ATRNL1: variants seen among roughly 807,000 people sequenced by gnomAD.
ATRNL1 encodes attractin like 1.
In ATRNL1, 95 loss-of-function variants were observed where a neutral mutation model predicts 182.7. The observed-to-expected ratio is 0.52, with a 90% CI of 0.44 to 0.62. The LOEUF (loss-of-function observed/expected upper bound fraction) is 0.62. Ranked by LOEUF, ATRNL1 falls within the 20% of genes least tolerant of loss-of-function variation. ATRNL1 has a pLI of 0.00. For synonymous variants in ATRNL1, 576 were observed against 568.3 expected (o/e 1.01, Z -0.19); for missense variants, 1,471 against 1,679.5 (o/e 0.88, Z 2.17).
chr10:115,329,084 A>G (rs946841125), intron 18 of ATRNL1, among the ~76,000 whole-genome samples: 5 of 152,064 alleles, frequency 3.3e-5, no homozygotes, highest in African/African-American at 4.8e-5. Context: ...TAAAAAATGT[A>G]TAGAGTTCCC....
chr10:115,279,577 T>C (rs1554916106), intron 13 of ATRNL1, among the ~76,000 whole-genome samples: 2 of 152,198 alleles, frequency 1.3e-5, no homozygotes, highest in African/African-American at 4.8e-5. Context: ...AGATGTTTGA[T>C]GGGCAACTGT....
intron 27 of ATRNL1, among the ~76,000 whole-genome samples, chr10:115,827,190 C>T (rs1459593729): frequency 6.6e-6 from 1 of 152,156 alleles, no homozygotes; most frequent in Non-Finnish European, 1.5e-5. Flanking sequence ...GAGGGAGCCT[C>T]CAACGTCTGA....
chr10:115,784,769 C>T (rs1593213258), intron 27 of ATRNL1, among the ~76,000 whole-genome samples: 2 of 152,240 alleles, frequency 1.3e-5, no homozygotes, highest in African/African-American at 4.8e-5. Context: ...TTTCACATGG[C>T]CTTCTTATAA....
At chr10:115,578,990 T>C (rs1209535494) in intron 26 of ATRNL1, among the ~76,000 whole-genome samples, 1 of 151,818 alleles carries the variant, frequency 6.6e-6, no homozygotes, top group African/African-American at 2.4e-5. Context: ...TGGTTTCATT[T>C]TCACATATTT....
At chr10:115,366,332 GATTGC>G (rs1387616866) in intron 19 of ATRNL1, among the ~76,000 whole-genome samples, 1 of 151,448 alleles carries the variant, frequency 6.6e-6, no homozygotes, top group Admixed American at 6.6e-5. Flanking sequence ...CAGAGACTAG[GATTGC>G]AACCCCTGCC....
At position 115,489,155 on chromosome 10, in the gene ATRNL1, A is replaced by G. The variant is rs191683251; in HGVS notation, c.3654+19826A>G. On this transcript the variant is annotated intron_variant, in intron 24 of 28. Coordinates refer to ENST00000355044, the MANE Select transcript of ATRNL1 (RefSeq NM_207303.4). ...TATTTTACTTACAATCATGTGGTCA[A>G]TTTTAGAATTAAGTGCAATGTGGTG... Among the ~76,000 whole-genome samples the G allele has an allele frequency of 3.8e-3, 573 of 152,232 alleles. 1 individual carries two copies. The highest frequency in any genetic ancestry group is 8.2e-3 in the African/African-American group (342 of 41,550).
At chr10:115,435,912 T>A (rs1846383018) in intron 21 of ATRNL1, among the ~76,000 whole-genome samples, 1 of 152,184 alleles carries the variant, frequency 6.6e-6, no homozygotes. Flanking sequence ...TCTGTATGAC[T>A]CATAACAGAC....
chr10:115,706,809 C>A (rs373355387), intron 26 of ATRNL1, among the ~76,000 whole-genome samples: 1 of 151,840 alleles, frequency 6.6e-6, no homozygotes, highest in Non-Finnish European at 1.5e-5. Context: ...CACACTAGAT[C>A]ATTTTTTATG....
At chr10:115,920,578 T>C (rs1953021421) in intron 28 of ATRNL1, among the ~76,000 whole-genome samples, 1 of 152,288 alleles carries the variant, frequency 6.6e-6, no homozygotes, top group Admixed American at 6.5e-5. Context: ...GGCATGAGAC[T>C]CATTTGCTAA....
intron 26 of ATRNL1, among the ~76,000 whole-genome samples, chr10:115,592,012 C>G (rs1855938974): frequency 6.6e-6 from 1 of 152,042 alleles, no homozygotes; most frequent in East Asian, 1.9e-4. Context: ...AAAATCATGC[C>G]CTGTGCAGCA....
chr10:115,265,066 G>T, intron 10 of ATRNL1, 127 bp from the exon 11 acceptor site: 1 of 507,360 alleles, frequency 2.0e-6, no homozygotes, highest in Non-Finnish European at 3.4e-6. Flanking sequence ...GAAAATTAAT[G>T]AGAATTTTTT....
At chr10:115,320,548 T>C (rs1854528949) in intron 18 of ATRNL1, among the ~76,000 whole-genome samples, 1 of 152,170 alleles carries the variant, frequency 6.6e-6, no homozygotes, top group South Asian at 2.1e-4. Flanking sequence ...GCAAGTTTGG[T>C]TTCTTTACGA....
At chr10:115,109,159 CTT>C (rs71010007) in intron 1 of ATRNL1, among the ~76,000 whole-genome samples, 2 of 151,394 alleles carry the variant, frequency 1.3e-5, no homozygotes, top group Non-Finnish European at 2.9e-5. Context: ...TTTTTCTAGC[CTT>C]TTTTTTTCCC....
At chr10:115,944,058 C>T (rs564858492) in intron 28 of ATRNL1, among the ~76,000 whole-genome samples, 14 of 151,246 alleles carry the variant, frequency 9.3e-5, no homozygotes, top group Non-Finnish European at 1.5e-4. Context: ...TGGTGAAGTG[C>T]GGGGGTATTT....
chr10:115,294,118 T>G lies in ATRNL1; in HGVS notation c.2416-5916T>G, dbSNP rs781913908. Among the ~76,000 whole-genome samples the G allele has an allele frequency of 9.8e-4, 150 of 152,364 alleles. 4 individuals carry two copies. Among genetic ancestry groups the G allele is most frequent in the South Asian group, 8.3e-4 (4 of 4,828 alleles). On this transcript the variant is annotated intron_variant, in intron 15 of 28. Coordinates refer to ENST00000355044, the MANE Select transcript of ATRNL1 (RefSeq NM_207303.4). ...ATAGGTTTTCACTAAATGTTTCTTG[T>G]AAATGCTGTAGGCCTTCCTCACTCC...
In ATRNL1 at chr10:115,410,988, G is replaced by A. The variant is rs1292725562; in HGVS notation, c.3270-15262G>A. Among the ~76,000 whole-genome samples the A allele has an allele frequency of 5.3e-5, 8 of 152,006 alleles. No homozygotes were observed. In the South Asian group the frequency reaches 6.2e-4, roughly 12 times the overall value. Reference sequence around the variant, plus strand: ...CCTGACCTCGTGATCCACCCACCTCGGCATCCCAAAGTACTGGGACTACAG... The same window carrying A: ...CCTGACCTCGTGATCCACCCACCTCAGCATCCCAAAGTACTGGGACTACAG... On this transcript the variant is annotated intron_variant, in intron 20 of 28. Coordinates refer to ENST00000355044, the MANE Select transcript of ATRNL1 (RefSeq NM_207303.4).
intron 1 of ATRNL1, among the ~76,000 whole-genome samples, chr10:115,114,292 A>G (rs973595616): frequency 1.3e-5 from 2 of 152,208 alleles, no homozygotes; most frequent in African/African-American, 4.8e-5. Context: ...TCTGAAACTA[A>G]AACAACTAGA....
At chr10:115,313,267 T>C (rs1247787502) in intron 17 of ATRNL1, among the ~76,000 whole-genome samples, 2 of 152,104 alleles carry the variant, frequency 1.3e-5, no homozygotes, top group Non-Finnish European at 2.9e-5. Context: ...TTCTTATAAT[T>C]ATTTTTGAAT....
At chr10:115,155,718 G>A (rs11197090) in intron 5 of ATRNL1, among the ~76,000 whole-genome samples, 3,759 of 152,126 alleles carry the variant, frequency 0.025, 153 homozygotes, top group African/African-American at 0.085. Flanking sequence ...TATTATGATG[G>A]GAAGTCACTG....
Sources: gnomAD v4.1 joint callset for allele counts (sites outside exome capture counted in the v4.1 genomes callset) on GRCh38, gnomAD v4.1.1 for gene constraint, MANE v1.5 for transcripts, NCBI Gene and HGNC (gene_info 2026-07-23, HGNC 2026-07-21) for gene names.